The following SLC24A2 variants were observed in gnomAD, a reference collection of about 807,000 sequenced individuals.
SLC24A2 encodes the protein sodium/potassium/calcium exchanger 2.
A neutral mutation model predicts 62.0 loss-of-function variants in SLC24A2; 36 were observed. The observed-to-expected ratio is 0.58, with a 90% confidence interval of 0.44 to 0.77. The LOEUF is 0.77. SLC24A2 is among the 30% of genes least tolerant of loss of function. The pLI, the probability that SLC24A2 is intolerant of heterozygous loss-of-function variation, is 0.00. For synonymous variants in SLC24A2, 358 were observed against 294.0 expected (o/e 1.22, Z -2.23); for missense variants, 846 against 817.9 (o/e 1.03, Z -0.42).
chr9:19,841,288 G>A, the SLC24A2 span, among the ~76,000 whole-genome samples: 2 of 152,156 alleles, frequency 1.3e-5, no homozygotes, highest in Admixed American at 6.5e-5. Context: ...AGGCAGAGAA[G>A]GGGAATAGGG....
chr9:20,263,476 T>A, the SLC24A2 span, among the ~76,000 whole-genome samples: 4 of 152,228 alleles, frequency 2.6e-5, no homozygotes, highest in Admixed American at 1.3e-4. Flanking sequence ...CTCAAACTCC[T>A]GGAATCAAGC....
At chr9:19,950,885 A>G in the SLC24A2 span, among the ~76,000 whole-genome samples, 1 of 152,226 alleles carries the variant, frequency 6.6e-6, no homozygotes, top group Non-Finnish European at 1.5e-5. Flanking sequence ...TGTGGTTACT[A>G]TAAAATCTGT....
chr9:19,823,289 T>C, the SLC24A2 span, among the ~76,000 whole-genome samples: 3 of 125,690 alleles, frequency 2.4e-5, no homozygotes, highest in Non-Finnish European at 5.1e-5. Flanking sequence ...AGGTTCCCTG[T>C]ATTAACATTG....
chr9:20,230,946 A>C, the SLC24A2 span, among the ~76,000 whole-genome samples: 1,072 of 152,306 alleles, frequency 7.0e-3, 12 homozygotes, highest in African/African-American at 0.023. Context: ...TCAGCTTTCT[A>C]CATATGGCTA....
the SLC24A2 span, among the ~76,000 whole-genome samples, chr9:19,842,846 CT>C: frequency 6.6e-6 from 1 of 152,190 alleles, no homozygotes; most frequent in Non-Finnish European, 1.5e-5. Context: ...GATCACTAAG[CT>C]TCCACTAAGC....
chr9:19,523,517 C>T (rs1190663455), intron 9 of SLC24A2, among the ~76,000 whole-genome samples: 1 of 152,024 alleles, frequency 6.6e-6, no homozygotes, highest in Non-Finnish European at 1.5e-5. Context: ...GGCTGGAGTG[C>T]AGTGGTGTGA....
the SLC24A2 span, among the ~76,000 whole-genome samples, chr9:19,975,920 T>G: frequency 2.7e-4 from 23 of 85,054 alleles, no homozygotes; most frequent in East Asian, 4.7e-4. Flanking sequence ...TTGTTTGTTT[T>G]TTTGAGACAG....
intron 2 of SLC24A2, among the ~76,000 whole-genome samples, chr9:19,761,522 T>C (rs534551522): frequency 3.9e-5 from 6 of 152,048 alleles, no homozygotes; most frequent in Non-Finnish European, 7.4e-5. Context: ...AGGGTACATG[T>C]GCACAACGTG....
the SLC24A2 span, among the ~76,000 whole-genome samples, chr9:20,023,955 C>G: frequency 6.6e-6 from 1 of 152,178 alleles, no homozygotes; most frequent in African/African-American, 2.4e-5. Flanking sequence ...ACATGGTGCT[C>G]AGGCATAAGA....
the SLC24A2 span, among the ~76,000 whole-genome samples, chr9:19,857,992 G>GA: frequency 5.6e-4 from 85 of 152,080 alleles, 2 homozygotes; most frequent in East Asian, 0.012. Flanking sequence ...CTGAGAATTA[G>GA]AAAAAAATCT....
the SLC24A2 span, among the ~76,000 whole-genome samples, chr9:19,896,373 A>G: frequency 3.3e-5 from 5 of 152,196 alleles, no homozygotes; most frequent in African/African-American, 1.2e-4. Context: ...ACAGATGAAC[A>G]TTTGTCTAAC....
the SLC24A2 span, among the ~76,000 whole-genome samples, chr9:20,300,291 G>A: frequency 1.1e-4 from 17 of 152,242 alleles, no homozygotes; most frequent in Non-Finnish European, 2.2e-4. Flanking sequence ...TTAGTTATTG[G>A]ACAGACTTTG....
chr9:20,116,440 G>A, the SLC24A2 span, among the ~76,000 whole-genome samples: 1 of 152,138 alleles, frequency 6.6e-6, no homozygotes, highest in African/African-American at 2.4e-5. Flanking sequence ...CAGGTCCTAT[G>A]TTTCTCTTGA....
intron 2 of SLC24A2, among the ~76,000 whole-genome samples, chr9:19,773,779 T>C (rs1237673920): frequency 1.3e-5 from 2 of 152,150 alleles, no homozygotes; most frequent in African/African-American, 2.4e-5. Flanking sequence ...TATGACTAGA[T>C]AGGTGCATGA....
the SLC24A2 span, among the ~76,000 whole-genome samples, chr9:19,862,630 T>A: frequency 6.6e-6 from 1 of 151,952 alleles, no homozygotes; most frequent in Non-Finnish European, 1.5e-5. Context: ...AATAACAACT[T>A]GTCAAGACAT....
chr9:19,635,942 G>A (rs1818299203), intron 2 of SLC24A2, among the ~76,000 whole-genome samples: 1 of 152,164 alleles, frequency 6.6e-6, no homozygotes, highest in South Asian at 2.1e-4. Context: ...TGCCTTAGCA[G>A]GTTAACGTCT....
chr9:19,544,419 T>C (rs1173844272), intron 8 of SLC24A2, among the ~76,000 whole-genome samples: 1 of 152,154 alleles, frequency 6.6e-6, no homozygotes, highest in Non-Finnish European at 1.5e-5. Flanking sequence ...AGGGAATTTA[T>C]CACATTTACA....
chr9:19,910,394 A>G, the SLC24A2 span, among the ~76,000 whole-genome samples: 4 of 152,182 alleles, frequency 2.6e-5, no homozygotes, highest in Non-Finnish European at 5.9e-5. Context: ...GGTTATTATA[A>G]CTGGCCTTCC....
At chr9:20,010,891 A>C in the SLC24A2 span, among the ~76,000 whole-genome samples, 1 of 151,614 alleles carries the variant, frequency 6.6e-6, no homozygotes, top group East Asian at 1.9e-4. Flanking sequence ...TAGTTTGCTG[A>C]GAATGATGGT....
Sources: allele counts gnomAD v4.1 joint callset (sites outside exome capture counted in the v4.1 genomes callset), GRCh38; gene constraint gnomAD v4.1.1; transcripts MANE v1.5; gene names NCBI Gene and HGNC (gene_info 2026-07-23, HGNC 2026-07-21).